Variants in EYS observed in about 807,000 individuals in gnomAD.
EYS encodes protein eyes shut homolog.
In EYS, 250 loss-of-function variants were observed where a neutral mutation model predicts 282.1. The observed-to-expected ratio is 0.89, with a 90% confidence interval of 0.80 to 0.98. The LOEUF (loss-of-function observed/expected upper bound fraction) is 0.98. Among genes scored for constraint, EYS ranks in the 50% least tolerant of loss-of-function variants. The probability of loss-of-function intolerance (pLI) is 0.00; values close to 1 mark genes in which losing one functional copy is unlikely to be tolerated. For synonymous variants in EYS, 1,355 were observed against 1,282.9 expected (o/e 1.06, Z -1.20); for missense variants, 4,016 against 3,709.0 (o/e 1.08, Z -2.15).
At chr6:65,096,290 T>C (rs2150180894) in intron 12 of EYS, among the ~76,000 whole-genome samples, 1 of 150,742 alleles carries the variant, frequency 6.6e-6, no homozygotes, top group East Asian at 1.9e-4. Context: ...AACTTAACCA[T>C]GGAGGTTAAA....
chr6:63,727,723 A>ATAT (rs1409002144), intron 41 of EYS, among the ~76,000 whole-genome samples: 8 of 64,442 alleles, frequency 1.2e-4, no homozygotes, highest in African/African-American at 7.3e-4. Flanking sequence ...AAAAAAAAAA[A>ATAT]AAAAAAAAAA....
At chr6:64,769,362 C>A (rs1773456084) in intron 22 of EYS, among the ~76,000 whole-genome samples, 1 of 152,004 alleles carries the variant, frequency 6.6e-6, no homozygotes, top group African/African-American at 2.4e-5. Flanking sequence ...TATTTGAATA[C>A]AACTCTATAG....
intron 5 of EYS, among the ~76,000 whole-genome samples, chr6:65,409,471 A>T (rs1312105356): frequency 6.6e-6 from 1 of 152,278 alleles, no homozygotes; most frequent in South Asian, 2.1e-4. Flanking sequence ...ATCTCTGTGA[A>T]CTTCTAGATT....
At chr6:65,309,813 A>G (rs1769107442) in intron 11 of EYS, among the ~76,000 whole-genome samples, 1 of 152,132 alleles carries the variant, frequency 6.6e-6, no homozygotes, top group African/African-American at 2.4e-5. Flanking sequence ...AGCACGTCCA[A>G]TTGATCCTAC....
At chr6:64,670,771 T>C (rs562832117) in intron 22 of EYS, among the ~76,000 whole-genome samples, 123 of 152,294 alleles carry the variant, frequency 8.1e-4, no homozygotes, top group African/African-American at 2.9e-3. Context: ...ATGCTGTACT[T>C]TTGTTCCCAG....
intron 12 of EYS, among the ~76,000 whole-genome samples, chr6:65,130,169 A>G (rs6901214): frequency 0.13 from 20,058 of 151,716 alleles, 1,860 homozygotes; most frequent in African/African-American, 0.26. Flanking sequence ...GGAGGGAAAG[A>G]GAGGAGGGCA....
intron 5 of EYS, among the ~76,000 whole-genome samples, chr6:65,438,820 T>C (rs1768189920): frequency 6.6e-6 from 1 of 152,164 alleles, no homozygotes; most frequent in Non-Finnish European, 1.5e-5. Flanking sequence ...TTCACTCTGA[T>C]GGTAGTTTCT....
intron 41 of EYS, among the ~76,000 whole-genome samples, chr6:63,758,951 C>A (rs576366399): frequency 6.6e-6 from 1 of 152,154 alleles, no homozygotes; most frequent in East Asian, 1.9e-4. Flanking sequence ...TGTTTGTAAA[C>A]AAACACTATT....
At chr6:64,821,305 G>C (rs1269464801) in intron 21 of EYS, among the ~76,000 whole-genome samples, 1 of 151,990 alleles carries the variant, frequency 6.6e-6, no homozygotes, top group African/African-American at 2.4e-5. Context: ...TGTCTCCTAA[G>C]ACCAGGGAGG....
intron 2 of EYS, among the ~76,000 whole-genome samples, chr6:65,612,639 T>G (rs1318194527): frequency 6.6e-6 from 1 of 151,760 alleles, no homozygotes; most frequent in Non-Finnish European, 1.5e-5. Flanking sequence ...TTAATATCAT[T>G]TAATTAAAAT....
At chr6:65,377,386 G>A (rs1431813961) in intron 8 of EYS, among the ~76,000 whole-genome samples, 2 of 152,090 alleles carry the variant, frequency 1.3e-5, no homozygotes, top group African/African-American at 4.8e-5. Context: ...TATTTACAGG[G>A]AAATTTATAG....
At chr6:65,530,747 C>A (rs2127307859) in intron 2 of EYS, among the ~76,000 whole-genome samples, 1 of 152,196 alleles carries the variant, frequency 6.6e-6, no homozygotes, top group South Asian at 2.1e-4. Context: ...GGAAAGACAA[C>A]ATATATTTCC....
chr6:65,037,347 A>T (rs1156634192), intron 13 of EYS, among the ~76,000 whole-genome samples: 2 of 151,806 alleles, frequency 1.3e-5, no homozygotes, highest in East Asian at 3.9e-4. Context: ...TCAAAAAACT[A>T]CCTATCAGGT....
chr6:63,808,469 G>C (rs537191678), intron 36 of EYS, among the ~76,000 whole-genome samples: 1 of 152,152 alleles, frequency 6.6e-6, no homozygotes, highest in African/African-American at 2.4e-5. Flanking sequence ...ATTAGACAGA[G>C]AGCTGGAGGA....
intron 33 of EYS, among the ~76,000 whole-genome samples, chr6:64,032,278 C>G (rs1769889471): frequency 6.6e-6 from 1 of 152,180 alleles, no homozygotes; most frequent in Admixed American, 6.5e-5. Flanking sequence ...CGCGAGGGTC[C>G]ACGGCTTCAT....
At chr6:65,513,260 T>C (rs1300583970) in intron 2 of EYS, among the ~76,000 whole-genome samples, 10 of 152,096 alleles carry the variant, frequency 6.6e-5, no homozygotes. Flanking sequence ...AATCTCTGAA[T>C]AGACCAATAA....
chr6:64,375,574 G>C (rs1309999147), intron 29 of EYS, among the ~76,000 whole-genome samples: 1 of 152,180 alleles, frequency 6.6e-6, no homozygotes, highest in Non-Finnish European at 1.5e-5. Context: ...AGATATGGCA[G>C]ATACTATCTA....
chr6:65,395,830 A>G (rs909513410), intron 7 of EYS, among the ~76,000 whole-genome samples: 1 of 151,680 alleles, frequency 6.6e-6, no homozygotes, highest in Non-Finnish European at 1.5e-5. Context: ...TGAAATATAC[A>G]ATATTATAAC....
At chr6:64,811,204 A>G (rs1764580476) in intron 22 of EYS, among the ~76,000 whole-genome samples, 1 of 152,076 alleles carries the variant, frequency 6.6e-6, no homozygotes. Context: ...GTGGAGTCCC[A>G]GTAGAAACTG....
Sources: allele counts gnomAD v4.1 joint callset (sites outside exome capture counted in the v4.1 genomes callset), GRCh38; gene constraint gnomAD v4.1.1; transcripts MANE v1.5; gene names NCBI Gene and HGNC (gene_info 2026-07-23, HGNC 2026-07-21).